NLRC3: variants seen among roughly 807,000 people sequenced by gnomAD.
NLRC3 encodes the protein NLR family CARD domain-containing protein 3.
Under a neutral mutation model 91.6 loss-of-function variants are expected in NLRC3, and 87 were observed. That is an observed-to-expected ratio of 0.95 (90% CI 0.80 to 1.14). The LOEUF (loss-of-function observed/expected upper bound fraction) is 1.14, where lower values mean the gene tolerates loss of function less well. NLRC3 is among the 50% of genes most tolerant of loss of function. NLRC3 has a pLI of 0.00. For synonymous variants in NLRC3, 694 were observed against 625.3 expected, an observed-to-expected ratio of 1.11 and a Z score of -1.64; for missense variants, 1,577 against 1,418.6, an observed-to-expected ratio of 1.11 and a Z score of -1.79.
Position 3,541,741 on chromosome 16 carries a change from C to G in NLRC3, c.*84G>C, listed in dbSNP as rs928416895. On this transcript the variant is annotated 3_prime_UTR_variant, in exon 20 of 20. Coordinates refer to ENST00000359128, the MANE Select transcript of NLRC3 (RefSeq NM_178844.4). ...CTGAGCAAGCAGCGTTCCCAGCTCC[C>G]AGACAGGCCCCCCAGAAGTCGGCCT... 1 of 903,716 alleles carries G rather than the reference C, an allele frequency of 1.1e-6. No homozygotes were observed. Among genetic ancestry groups the G allele is most frequent in the African/African-American group, 1.6e-5 (1 of 60,768 alleles). The allele number at this position is 903,716 out of a possible 1,614,324, so 56.0% of individuals were successfully genotyped here. A position where few individuals can be genotyped will look rare whatever the true frequency, so the allele number is the denominator to read the frequency against.
rs762715807 is a variant in NLRC3 at position 3,564,279 on chromosome 16, C to G, written c.658G>C (p.Gly220Arg). 13 of 1,611,986 alleles carry G rather than the reference C, an allele frequency of 8.1e-6. No individual in the cohort carries two copies. Among genetic ancestry groups the G allele is most frequent in the Non-Finnish European group, 1.0e-5 (12 of 1,179,620 alleles). Residue 220 changes from glycine to arginine, a missense_variant, in exon 5 of 20, where the codon GGC (glycine) becomes CGC (arginine). By Grantham distance (125) the Gly-to-Arg change is moderately radical. Transcript: ENST00000359128. The surrounding 1 kb of genome is among the most constrained non-coding windows in gnomAD (Gnocchi z 5.9). ...AGAGGCGTCCTGCACTCATCCAAGC[C>G]GTCCAGGATCAGGAGGGCCCTGGCT... ...VPARALLILD[G>R]LDECRTPLDF...
At position 3,551,766 on chromosome 16, in the gene NLRC3, CCCAT is replaced by C. The variant is rs370210844; in HGVS notation, c.2351+426_2351+429del. 3.1e-3 allele frequency among the ~76,000 whole-genome samples: 345 copies of C among 111,586 alleles called. 4 individuals carry two copies. The South Asian group carries it at 0.054, about 17-fold the overall frequency. 73.2% of individuals were successfully genotyped at this position (111,586 alleles called of 152,430 possible). ...ATCCATCCATTCACCAGTCCTCTCA[CCCAT>C]CCATCCATCCATCCATCCACTCATT... On this transcript the variant is annotated intron_variant, in intron 10 of 19. Transcript: ENST00000359128.
intron 15 of NLRC3, among the ~76,000 whole-genome samples, chr16:3,547,843 A>G (rs1418662054): frequency 1.3e-5 from 2 of 151,950 alleles, no homozygotes; most frequent in African/African-American, 4.8e-5. Context: ...TAATTTTTGT[A>G]TTTATAGTAG....
At position 3,556,894 on chromosome 16, in the gene NLRC3, G is replaced by T. The variant is rs762130105; in HGVS notation, c.2183+17C>A. On this transcript the variant is annotated intron_variant, in intron 8 of 19. Coordinates refer to ENST00000359128, the MANE Select transcript of NLRC3 (RefSeq NM_178844.4). ...CCCTCTCTTGGGGTCACAACACAGG[G>T]AGCAGGTGACACACACCTCAGGGAG... 4 of 1,583,720 alleles carry T rather than the reference G, an allele frequency of 2.5e-6. No individual in the cohort carries two copies. The Admixed American group carries it at 6.7e-5, about 26-fold the overall frequency.
chr16:3,559,437 G>T (rs1343398597), intron 6 of NLRC3, among the ~76,000 whole-genome samples: 3 of 152,048 alleles, frequency 2.0e-5, no homozygotes, highest in Non-Finnish European at 4.4e-5. Flanking sequence ...TGGCCTTAAA[G>T]AATCTCCCCA....
At chr16:3,544,443 C>G (rs1306108402) in intron 15 of NLRC3, 114 bp from the exon 16 acceptor site, 11 of 707,056 alleles carry the variant, frequency 1.6e-5, no homozygotes, top group Non-Finnish European at 2.7e-5. Flanking sequence ...ATAGACACTC[C>G]CAGGGTTTCC....
intron 1 of NLRC3, among the ~76,000 whole-genome samples, chr16:3,569,111 C>T (rs1352412590): frequency 2.0e-5 from 3 of 151,688 alleles, no homozygotes; most frequent in Admixed American, 6.6e-5. Context: ...GTCAGGAGTT[C>T]GAGACCAGCC....
chr16:3,550,584 T>C, intron 10 of NLRC3, 87 bp from the exon 11 acceptor site: 12 of 928,848 alleles, frequency 1.3e-5, no homozygotes, highest in Non-Finnish European at 2.1e-5. Flanking sequence ...GAAGCCCTCC[T>C]GGGAGGGCTG....
In NLRC3 at chr16:3,564,083, T is replaced by C. The variant is rs1567146567; in HGVS notation, c.854A>G (p.Glu285Gly). Residue 285 changes from glutamate (E) to glycine (G), a missense_variant, in exon 5 of 20, where the codon GAG becomes GGG. Transcript: ENST00000359128. The surrounding 1 kb of genome is among the most constrained non-coding windows in gnomAD (Gnocchi z 5.9). The part of the protein sequence containing the change: ...IPGGLVDRMT[E>G]IRGFNEEEIK... ...CTCCTCCTCGTTAAAGCCCCGGATCTCCGTCATCCGGTCCACCAGGCCCCC... is the reference window on the plus strand; with the variant it reads ...CTCCTCCTCGTTAAAGCCCCGGATCCCCGTCATCCGGTCCACCAGGCCCCC... 1 of 1,613,442 alleles carries C rather than the reference T, an allele frequency of 6.2e-7. No individual in the cohort carries two copies. The highest frequency in any genetic ancestry group is 1.7e-5 in the Admixed American group (1 of 60,028).
rs373831880 is a variant in NLRC3, at chr16:3,564,089, A to G, written c.848T>C (p.Met283Thr). Residue 283 changes from methionine to threonine, a missense_variant, in exon 5 of 20, where the codon ATG becomes ACG. Met to Thr is a moderately conservative substitution (Grantham distance 81). Coordinates refer to ENST00000359128, the MANE Select transcript of NLRC3 (RefSeq NM_178844.4). The surrounding 1 kb of genome is among the most constrained non-coding windows in gnomAD (Gnocchi z 5.9). ...GQIPGGLVDR[M>T]TEIRGFNEEE... ...CTCGTTAAAGCCCCGGATCTCCGTC[A>G]TCCGGTCCACCAGGCCCCCTGGGAT... The G allele has an allele frequency of 8.1e-6, 13 of 1,613,450 alleles. No individual in the cohort carries two copies. Among genetic ancestry groups the G allele is most frequent in the South Asian group, 1.1e-5 (1 of 91,092 alleles).
chr16:3,549,825 A>C, intron 11 of NLRC3, 45 bp from the exon 12 acceptor site: 1 of 1,411,552 alleles, frequency 7.1e-7, no homozygotes, highest in Non-Finnish European at 9.8e-7. Context: ...CCCAGGACCC[A>C]GAGGGAGCTG....
Position 3,544,164 on chromosome 16 carries a change from A to G in NLRC3, c.2855+82T>C, listed in dbSNP as rs1596427893. On this transcript the variant is annotated intron_variant, in intron 16 of 19. Transcript: ENST00000359128. ...CAGAGCAAGACTCTTGTCTCGAGGA[A>G]AAAAAAAAAAAAAAAGACCTCTAAC... 87 of 293,078 alleles carry G rather than the reference A, an allele frequency of 3.0e-4. No homozygotes were observed. In the East Asian group the frequency reaches 5.5e-3, roughly 18 times the overall value. 18.2% of individuals were successfully genotyped at this position (293,078 alleles called of 1,614,324 possible).
chr16:3,548,711 G>A lies in NLRC3; in HGVS notation c.2646C>T (p.Ile882=), dbSNP rs773196225. 4.1e-5 allele frequency: 65 copies of A among 1,603,632 alleles called. 1 individual carries two copies. The Middle Eastern group carries it at 5.0e-4, about 12-fold the overall frequency. The change falls in exon 14 of 20, where the codon ATC becomes ATT. Residue 882 remains isoleucine (I), a synonymous_variant. Transcript: ENST00000359128. ...TGCGGTTTTCTCTCACTGCCACTGC[G>A]ATGGCCCGGGCACCCTGGTCGTGGA... ...NLLHDQGARA[I]AVAVRENRTL...
chr16:3,551,792 C>T (rs1212115161), intron 10 of NLRC3, among the ~76,000 whole-genome samples: 2 of 151,484 alleles, frequency 1.3e-5, no homozygotes, highest in African/African-American at 4.9e-5. Flanking sequence ...TCCATCCACT[C>T]ATTCATTTAT....
chr16:3,544,523 G>T, intron 15 of NLRC3, 194 bp from the exon 16 acceptor site: 1 of 581,488 alleles, frequency 1.7e-6, no homozygotes, highest in Non-Finnish European at 3.1e-6. Flanking sequence ...AGAGGCGTCT[G>T]GGGCCTGCAT....
chr16:3,575,424 C>G (rs946294945), intron 1 of NLRC3, among the ~76,000 whole-genome samples: 6 of 151,858 alleles, frequency 4.0e-5, no homozygotes, highest in Middle Eastern at 3.2e-3. Context: ...AGCTGAAAGA[C>G]AGAGAGACTG....
rs1164084822 is a variant in NLRC3 at position 3,563,868 on chromosome 16, G to A, written c.1069C>T (p.Pro357Ser). ...TGPQDAELWP[P>S]RTLCELYSWY... ...GAGTAGAGCTCGCACAGGGTCCTCGGGGGCCACAGCTCTGCATCCTGGGGC... is the reference window on the plus strand; with the variant it reads ...GAGTAGAGCTCGCACAGGGTCCTCGAGGGCCACAGCTCTGCATCCTGGGGC... Residue 357 changes from proline to serine, a missense_variant, in exon 5 of 20, where the codon CCG becomes TCG. Physicochemically the swap from Pro to Ser is moderately conservative, Grantham distance 74. Coordinates refer to ENST00000359128, the MANE Select transcript of NLRC3 (RefSeq NM_178844.4). 2 of 1,603,394 alleles carry A rather than the reference G, an allele frequency of 1.2e-6. No homozygotes were observed. Among genetic ancestry groups the A allele is most frequent in the East Asian group, 2.2e-5 (1 of 44,778 alleles).
At chr16:3,562,377 A>G (rs1397236623) in intron 5 of NLRC3, among the ~76,000 whole-genome samples, 2 of 152,154 alleles carry the variant, frequency 1.3e-5, no homozygotes, top group African/African-American at 4.8e-5. Context: ...GCAGTGGCTC[A>G]GGCCTGTAAT....
chr16:3,568,699 C>G (rs568618147), intron 1 of NLRC3, among the ~76,000 whole-genome samples: 1 of 152,246 alleles, frequency 6.6e-6, no homozygotes, highest in East Asian at 1.9e-4. Flanking sequence ...TGCACTCCAG[C>G]CTGGGCAACA....
Sources: gnomAD v4.1 joint callset for allele counts (sites outside exome capture counted in the v4.1 genomes callset) on GRCh38, gnomAD v4.1.1 for gene constraint, Gnocchi (gnomAD v3.1) non-coding constraint, MANE v1.5 for transcripts, NCBI Gene and HGNC (gene_info 2026-07-23, HGNC 2026-07-21) for gene names.